The following GRHL2 variants were observed in gnomAD, a reference collection of about 807,000 sequenced individuals.
The protein encoded by GRHL2 is grainyhead-like protein 2 homolog.
Under a neutral mutation model 83.8 loss-of-function variants are expected in GRHL2, and 21 were observed. The observed-to-expected ratio is 0.25, with a 90% CI of 0.18 to 0.36. The LOEUF (loss-of-function observed/expected upper bound fraction) is 0.36, where lower values mean the gene tolerates loss of function less well. Among genes scored for constraint, GRHL2 ranks in the 10% least tolerant of loss-of-function variants. The probability of loss-of-function intolerance (pLI) is 1.00; values close to 1 mark genes in which losing one functional copy is unlikely to be tolerated. For missense variants in GRHL2, 623 were observed against 781.8 expected, an observed-to-expected ratio of 0.80 and a Z score of 2.42; for synonymous variants, 280 against 278.9, an observed-to-expected ratio of 1.00 and a Z score of -0.04.
chr8:101,661,093 A>G (rs1342179109), intron 14 of GRHL2, among the ~76,000 whole-genome samples: 2 of 152,240 alleles, frequency 1.3e-5, no homozygotes, highest in Non-Finnish European at 2.9e-5. Flanking sequence ...ATATGGCCCA[A>G]CACAAATTCG....
intron 1 of GRHL2, among the ~76,000 whole-genome samples, chr8:101,508,864 G>C (rs1356292568): frequency 6.6e-6 from 1 of 152,096 alleles, no homozygotes; most frequent in African/African-American, 2.4e-5. Context: ...CAAGGTTTAA[G>C]ATTGTAATTA....
chr8:101,641,096 G>A (rs1197279949), intron 12 of GRHL2, among the ~76,000 whole-genome samples: 2 of 152,094 alleles, frequency 1.3e-5, no homozygotes, highest in African/African-American at 4.8e-5. Flanking sequence ...TTCAGTAACA[G>A]TTACTAAATC....
Position 101,666,800 on chromosome 8 carries a change from C to T in GRHL2, c.*97C>T. 2.6e-6 allele frequency: 2 copies of T among 775,440 alleles called. No homozygotes were observed. The highest frequency in any genetic ancestry group is 4.6e-6 in the Non-Finnish European group (2 of 433,360). The allele number at this position is 775,440 out of a possible 1,614,324, so 48.0% of individuals were successfully genotyped here. On this transcript the variant is annotated 3_prime_UTR_variant, in exon 16 of 16. Transcript: ENST00000646743. ...CCCAGAACCTGGAGACCCATCTCCC[C>T]CATCTCACAACTGCTGTTACAAGAC...
intron 7 of GRHL2, among the ~76,000 whole-genome samples, chr8:101,583,958 A>T (rs1285384209): frequency 6.6e-6 from 1 of 152,244 alleles, no homozygotes; most frequent in Admixed American, 6.5e-5. Flanking sequence ...AATAATGCAC[A>T]TAACAGCTCT....
chr8:101,653,745 AAAC>A (rs144824566), intron 14 of GRHL2, among the ~76,000 whole-genome samples: 55,100 of 148,748 alleles, frequency 0.37, 11,855 homozygotes, highest in African/African-American at 0.61. Flanking sequence ...CTCAAAAAAA[AAAC>A]AAAAACAAAA....
chr8:101,636,724 TACACACACACAC>T lies in GRHL2; in HGVS notation c.1486-142_1486-131del, dbSNP rs3029438. The T allele has an allele frequency of 4.6e-3, 2,203 of 483,632 alleles. 2 individuals are homozygous for T. Among genetic ancestry groups the T allele is most frequent in the South Asian group, 0.029 (967 of 33,158 alleles). 30.0% of individuals were successfully genotyped at this position (483,632 alleles called of 1,614,324 possible). A position where few individuals can be genotyped will look rare whatever the true frequency, so the allele number is the denominator to read the frequency against. On this transcript the variant is annotated intron_variant, in intron 11 of 15. Transcript: ENST00000646743. ...ACTTAAATATGCATTTCCTTAGAAA[TACACACACACAC>T]ACACACACACACACACACACACACA...
intron 2 of GRHL2, among the ~76,000 whole-genome samples, chr8:101,549,133 G>T (rs958175299): frequency 6.6e-6 from 1 of 151,952 alleles, no homozygotes; most frequent in Non-Finnish European, 1.5e-5. Flanking sequence ...AGGCATGGGT[G>T]GTAGTGTGGG....
intron 14 of GRHL2, among the ~76,000 whole-genome samples, chr8:101,662,934 TCTC>T (rs1813955138): frequency 6.6e-6 from 1 of 151,868 alleles, no homozygotes; most frequent in African/African-American, 2.4e-5. Flanking sequence ...CTTGGTATTT[TCTC>T]CTCAATATGT....
In GRHL2 at chr8:101,636,905, C is replaced by T. The variant is rs751075051; in HGVS notation, c.1494C>T (p.Tyr498=). The change falls in exon 12 of 16, where the codon TAC becomes TAT. Residue 498 remains tyrosine (Y), a synonymous_variant. Coordinates refer to ENST00000646743, the MANE Select transcript of GRHL2 (RefSeq NM_024915.4). ...ANLQRTGQVY[Y]NTDDEREGGS... ...ATTGTTTTGTTCCACAGGTGTATTA[C>T]AACACGGATGATGAACGAGAAGGGT... 8.7e-6 allele frequency: 14 copies of T among 1,613,616 alleles called. No individual in the cohort carries two copies. The African/African-American group carries it at 1.5e-4, about 17-fold the overall frequency.
chr8:101,532,645 C>T (rs554587173), intron 1 of GRHL2, among the ~76,000 whole-genome samples: 19 of 150,664 alleles, frequency 1.3e-4, no homozygotes, highest in South Asian at 8.4e-4. Context: ...AGCTACTCGG[C>T]GGGGGGGCTG....
chr8:101,641,902 T>C (rs1465442520), intron 12 of GRHL2, among the ~76,000 whole-genome samples: 2 of 152,210 alleles, frequency 1.3e-5, no homozygotes, highest in Non-Finnish European at 2.9e-5. Flanking sequence ...CTCTAGATTA[T>C]TTATAATACC....
rs138165351 is a variant in GRHL2 at position 101,630,527 on chromosome 8, T to C, written c.1258-1110T>C. ...TGTTTGCATACAGAAGGATTACATTTTTGTATTGTTAAATCTATCTGTTTT... is the reference window on the plus strand; with the variant it reads ...TGTTTGCATACAGAAGGATTACATTCTTGTATTGTTAAATCTATCTGTTTT... On this transcript the variant is annotated intron_variant, in intron 9 of 15. Transcript: ENST00000646743. Among the ~76,000 whole-genome samples, 640 of 152,346 alleles carry C rather than the reference T, an allele frequency of 4.2e-3. 5 individuals are homozygous for C. Among genetic ancestry groups the C allele is most frequent in the African/African-American group, 0.014 (596 of 41,576 alleles).
At chr8:101,506,754 GT>G (rs748605808) in intron 1 of GRHL2, among the ~76,000 whole-genome samples, 5 of 150,602 alleles carry the variant, frequency 3.3e-5, no homozygotes, top group Non-Finnish European at 5.9e-5. Flanking sequence ...AACAATTTGT[GT>G]TCTACCAACA....
chr8:101,571,420 C>T (rs867041416), intron 5 of GRHL2, among the ~76,000 whole-genome samples: 3 of 149,662 alleles, frequency 2.0e-5, no homozygotes, highest in Non-Finnish European at 4.4e-5. Flanking sequence ...TTTGGGAGGC[C>T]GAGGTGGGAG....
intron 11 of GRHL2, among the ~76,000 whole-genome samples, chr8:101,635,181 T>A (rs1307360716): frequency 6.6e-6 from 1 of 152,226 alleles, no homozygotes; most frequent in Non-Finnish European, 1.5e-5. Flanking sequence ...ATTCCTGAGT[T>A]CCATCCTTCA....
chr8:101,575,922 TCGAAA>T (rs768780984), intron 6 of GRHL2, among the ~76,000 whole-genome samples: 3 of 152,178 alleles, frequency 2.0e-5, no homozygotes, highest in Non-Finnish European at 4.4e-5. Flanking sequence ...GCTTGTGAAT[TCGAAA>T]CGATATGGAT....
chr8:101,654,572 G>A (rs970340554), intron 14 of GRHL2, among the ~76,000 whole-genome samples: 22 of 152,214 alleles, frequency 1.4e-4, no homozygotes, highest in East Asian at 1.2e-3. Context: ...GCCAAAAAAC[G>A]AACAAAGAGT....
In GRHL2 at chr8:101,492,554, AG is replaced by A. The variant is rs1403538221; in HGVS notation, c.-212del. On this transcript the variant is annotated 5_prime_UTR_variant, in exon 1 of 16. Coordinates refer to ENST00000646743, the MANE Select transcript of GRHL2 (RefSeq NM_024915.4). ...CGCCTCCGAGCTCGGGCCCCATGTG[AG>A]GGGCCCCCCCTTATCCCACCTTTCC... The A allele has an allele frequency of 7.2e-5, 46 of 641,480 alleles. No individual in the cohort carries two copies. Among genetic ancestry groups the A allele is most frequent in the Non-Finnish European group, 1.3e-4 (45 of 352,824 alleles). The allele number at this position is 641,480 out of a possible 1,614,324, so 39.7% of individuals were successfully genotyped here. A position where few individuals can be genotyped will look rare whatever the true frequency, so the allele number is the denominator to read the frequency against.
chr8:101,516,675 G>A (rs1810579239), intron 1 of GRHL2, among the ~76,000 whole-genome samples: 1 of 152,018 alleles, frequency 6.6e-6, no homozygotes, highest in African/African-American at 2.4e-5. Flanking sequence ...CCAAAGTGCT[G>A]GGATTACAGG....
Sources: allele counts gnomAD v4.1 joint callset (sites outside exome capture counted in the v4.1 genomes callset), GRCh38; gene constraint gnomAD v4.1.1; transcripts MANE v1.5; gene names NCBI Gene and HGNC (gene_info 2026-07-23, HGNC 2026-07-21).